The following ABI2 variants were observed in gnomAD, a reference collection of about 807,000 sequenced individuals.
ABI2 encodes the protein abelson interactor 2.
A neutral mutation model predicts 59.2 loss-of-function variants in ABI2; 25 were observed. The ratio of observed to expected loss-of-function variants is 0.42; its 90% CI spans 0.31 to 0.59. The LOEUF (loss-of-function observed/expected upper bound fraction) is 0.59, where lower values mean the gene tolerates loss of function less well. Ranked by LOEUF, ABI2 falls within the 20% of genes least tolerant of loss-of-function variation. The probability of loss-of-function intolerance (pLI) is 0.14; values close to 1 mark genes in which losing one functional copy is unlikely to be tolerated. For synonymous variants in ABI2, 213 were observed against 235.5 expected (o/e 0.90, Z 0.87); for missense variants, 545 against 681.8 (o/e 0.80, Z 2.23).
intron 11 of ABI2, among the ~76,000 whole-genome samples, chr2:203,426,098 A>G (rs2098419356): frequency 1.3e-5 from 2 of 152,118 alleles, no homozygotes. Flanking sequence ...GAAGCTATTT[A>G]ATTTTTATTA....
Position 203,411,382 on chromosome 2 carries a change from G to C in ABI2, c.1279+11G>C. ...GAGTCCAAGAAAATAGTAAGTTTAT[G>C]TCTTCTTTATGCTGTAGATCAGATT... On this transcript the variant is annotated intron_variant, in intron 10 of 11. Coordinates refer to ENST00000261018, the MANE Select transcript of ABI2 (RefSeq NM_001375670.1). The C allele has an allele frequency of 6.2e-7, 1 of 1,600,284 alleles. No homozygotes were observed. The highest frequency in any genetic ancestry group is 8.6e-7 in the Non-Finnish European group (1 of 1,167,780).
intron 9 of ABI2, among the ~76,000 whole-genome samples, chr2:203,407,094 A>G (rs2097457688): frequency 1.3e-5 from 2 of 152,208 alleles, no homozygotes; most frequent in African/African-American, 4.8e-5. Flanking sequence ...AAAACAAACC[A>G]TTCTAAGAGA....
intron 9 of ABI2, among the ~76,000 whole-genome samples, chr2:203,406,545 G>T (rs930859604): frequency 6.6e-6 from 1 of 152,160 alleles, no homozygotes; most frequent in Non-Finnish European, 1.5e-5. Flanking sequence ...AAAATAAAAA[G>T]CCATTTCACA....
chr2:203,359,234 A>T (rs2092958674), intron 1 of ABI2, among the ~76,000 whole-genome samples: 1 of 152,214 alleles, frequency 6.6e-6, no homozygotes, highest in African/African-American at 2.4e-5. Context: ...AGGTTTTTTT[A>T]AATAACATAA....
At chr2:203,367,182 GT>G in intron 2 of ABI2, 138 bp downstream of exon 2, 2 of 1,197,274 alleles carry the variant, frequency 1.7e-6, no homozygotes, top group Non-Finnish European at 2.2e-6. Flanking sequence ...ATATTAGGTT[GT>G]TTTTAGATTC....
At chr2:203,421,707 C>G (rs551266039) in intron 11 of ABI2, among the ~76,000 whole-genome samples, 1 of 152,308 alleles carries the variant, frequency 6.6e-6, no homozygotes, top group East Asian at 1.9e-4. Flanking sequence ...TGGCTCACGC[C>G]TGTAATCCCA....
Position 203,403,359 on chromosome 2 carries a change from A to G in ABI2, c.1192+625A>G, listed in dbSNP as rs541902919. The G allele has an allele frequency of 3.7e-4, 57 of 154,966 alleles. No homozygotes were observed. The South Asian group carries it at 9.3e-3, about 25-fold the overall frequency. 9.6% of individuals were successfully genotyped at this position (154,966 alleles called of 1,614,324 possible). Reference sequence around the variant, plus strand: ...ATTAGACACCATGGCTATTGTGGACATGGTATGTCAACTTACTGCTTTTTT... The same window carrying G: ...ATTAGACACCATGGCTATTGTGGACGTGGTATGTCAACTTACTGCTTTTTT... On this transcript the variant is annotated intron_variant, in intron 9 of 11. Transcript: ENST00000261018.
Position 203,402,679 on chromosome 2 carries a change from A to C in ABI2, c.1137A>C (p.Ser379=). Residue 379 remains serine (S), a synonymous_variant, in exon 9 of 12, where the codon TCA becomes TCC. Transcript: ENST00000261018. ...ATAGACGCCCTCCTTCCATTACTTC[A>C]CAAACAAGCCTTCAGAATCAGATGA... ...LPYRRPPSIT[S]QTSLQNQMNG... The C allele has an allele frequency of 6.2e-7, 1 of 1,607,298 alleles. No homozygotes were observed.
At position 203,375,935 on chromosome 2, in the gene ABI2, A is replaced by G. The variant is rs79268093; in HGVS notation, c.286-4273A>G. ...GCATGTTTTCTTCTGCCCACAGGCA[A>G]TACTGCAGTTCAACCCCGTGTGGTA... On this transcript the variant is annotated intron_variant, in intron 2 of 11. Transcript: ENST00000261018. 1,443 of 637,468 alleles carry G rather than the reference A, an allele frequency of 2.3e-3. 6 individuals are homozygous for G. Among genetic ancestry groups the G allele is most frequent in the African/African-American group, 8.8e-3 (473 of 54,050 alleles). The allele number at this position is 637,468 out of a possible 1,614,324, so 39.5% of individuals were successfully genotyped here. A position where few individuals can be genotyped will look rare whatever the true frequency, so the allele number is the denominator to read the frequency against.
chr2:203,393,283 G>A (rs2096842467), intron 5 of ABI2, among the ~76,000 whole-genome samples: 1 of 152,198 alleles, frequency 6.6e-6, no homozygotes, highest in African/African-American at 2.4e-5. Flanking sequence ...TCAAACTCCT[G>A]AGCTCAAGTG....
chr2:203,392,045 T>TG (rs1303147419), intron 5 of ABI2, among the ~76,000 whole-genome samples: 3 of 152,178 alleles, frequency 2.0e-5, no homozygotes, highest in Non-Finnish European at 4.4e-5. Flanking sequence ...GCTGTGCTGT[T>TG]ACTTTATAAT....
chr2:203,392,815 C>T (rs570787065), intron 5 of ABI2, among the ~76,000 whole-genome samples: 4 of 152,236 alleles, frequency 2.6e-5, no homozygotes, highest in Non-Finnish European at 4.4e-5. Flanking sequence ...AAGATTTGCT[C>T]ATATACCAAT....
intron 7 of ABI2, among the ~76,000 whole-genome samples, chr2:203,396,390 A>G (rs1274247652): frequency 6.6e-6 from 1 of 152,210 alleles, no homozygotes; most frequent in East Asian, 1.9e-4. Context: ...TTAATCTGAT[A>G]ATATGGAATA....
In ABI2 at chr2:203,338,934, G is replaced by GTGTATA. The variant is rs2077848776; in HGVS notation, c.117+10304_117+10305insGTATAT. ...TGTGTGTGTGTGTGTGTGTGTATATGTATATATATATATATATATATATAT... is the reference window on the plus strand; with the variant it reads ...TGTGTGTGTGTGTGTGTGTGTATATGTGTATATATATATATATATATATATATATAT... On this transcript the variant is annotated intron_variant, in intron 1 of 11. Coordinates refer to ENST00000261018, the MANE Select transcript of ABI2 (RefSeq NM_001375670.1). Among the ~76,000 whole-genome samples the GTGTATA allele has an allele frequency of 1.2e-3, 6 of 5,186 alleles. 1 individual carries two copies. The highest frequency in any genetic ancestry group is 6.0e-3 in the East Asian group (1 of 166). 3.4% of individuals were successfully genotyped at this position (5,186 alleles called of 152,430 possible). A position where few individuals can be genotyped will look rare whatever the true frequency, so the allele number is the denominator to read the frequency against.
At chr2:203,339,322 G>C (rs1452422768) in intron 1 of ABI2, among the ~76,000 whole-genome samples, 1 of 151,882 alleles carries the variant, frequency 6.6e-6, no homozygotes, top group East Asian at 1.9e-4. Flanking sequence ...GCTCATGCCT[G>C]TAATCCCAGC....
chr2:203,388,866 A>G (rs1470764298), intron 4 of ABI2, among the ~76,000 whole-genome samples: 2 of 152,142 alleles, frequency 1.3e-5, no homozygotes, highest in Non-Finnish European at 2.9e-5. Flanking sequence ...CTTTTCAAAT[A>G]TTTTAGCTAT....
chr2:203,339,892 G>A (rs2078877832), intron 1 of ABI2, among the ~76,000 whole-genome samples: 1 of 152,174 alleles, frequency 6.6e-6, no homozygotes, highest in African/African-American at 2.4e-5. Flanking sequence ...CTCAAATCCT[G>A]CAGTCACCCT....
rs763255741 is a variant in ABI2, at chr2:203,395,795, G to A, written c.850+15G>A. On this transcript the variant is annotated intron_variant, in intron 7 of 11. Coordinates refer to ENST00000261018, the MANE Select transcript of ABI2 (RefSeq NM_001375670.1). ...TGTCTTTCCAGGTAAAACATTCATGGTGCCTCGTCTTCACTTTTCCTTTCT... is the reference window on the plus strand; with the variant it reads ...TGTCTTTCCAGGTAAAACATTCATGATGCCTCGTCTTCACTTTTCCTTTCT... 68 of 1,571,172 alleles carry A rather than the reference G, an allele frequency of 4.3e-5. No individual in the cohort carries two copies. Among genetic ancestry groups the A allele is most frequent in the Middle Eastern group, 1.7e-4 (1 of 5,968 alleles).
At chr2:203,349,825 G>A (rs2086509885) in intron 1 of ABI2, among the ~76,000 whole-genome samples, 1 of 151,542 alleles carries the variant, frequency 6.6e-6, no homozygotes, top group South Asian at 2.1e-4. Flanking sequence ...TGCCAATTAT[G>A]AGTAATTTCA....
Sources: allele counts gnomAD v4.1 joint callset (sites outside exome capture counted in the v4.1 genomes callset), GRCh38; gene constraint gnomAD v4.1.1; transcripts MANE v1.5; gene names NCBI Gene and HGNC (gene_info 2026-07-23, HGNC 2026-07-21).